Variants in TTK observed in about 807,000 individuals in gnomAD.
TTK encodes dual specificity protein kinase TTK.
A neutral mutation model predicts 117.3 loss-of-function variants in TTK; 59 were observed. That is an observed-to-expected ratio of 0.50 (90% CI 0.41 to 0.62). TTK has a LOEUF of 0.62. Among genes scored for constraint, TTK ranks in the 20% least tolerant of loss-of-function variants. The probability of loss-of-function intolerance (pLI) is 0.00; values close to 1 mark genes in which losing one functional copy is unlikely to be tolerated. For synonymous variants in TTK, 302 were observed against 325.0 expected (o/e 0.93, Z 0.76); for missense variants, 921 against 989.4 (o/e 0.93, Z 0.93).
chr6:80,032,184 T>C (rs1349743132), intron 14 of TTK, among the ~76,000 whole-genome samples: 1 of 152,186 alleles, frequency 6.6e-6, no homozygotes, highest in Non-Finnish European at 1.5e-5. Flanking sequence ...AGAACACTAA[T>C]GACCTCCATT....
chr6:80,010,506 C>T (rs239555), intron 4 of TTK, among the ~76,000 whole-genome samples: 92,538 of 149,894 alleles, frequency 0.62, 28,984 homozygotes, highest in Admixed American at 0.72. Flanking sequence ...CTGTTGGTAA[C>T]TGCTTTGTTA....
chr6:80,005,528 A>G (rs1388178586), intron 1 of TTK, among the ~76,000 whole-genome samples: 1 of 151,994 alleles, frequency 6.6e-6, no homozygotes, highest in African/African-American at 2.4e-5. Flanking sequence ...GTATGTCGCT[A>G]CCAAAATCCA....
intron 2 of TTK, among the ~76,000 whole-genome samples, chr6:80,007,187 C>T (rs1767015121): frequency 1.3e-5 from 2 of 152,076 alleles, no homozygotes; most frequent in Non-Finnish European, 2.9e-5. Flanking sequence ...ACCACGGTAA[C>T]TATGAGTTTG....
intron 10 of TTK, among the ~76,000 whole-genome samples, chr6:80,019,070 A>G (rs1177548635): frequency 6.6e-6 from 1 of 152,216 alleles, no homozygotes; most frequent in Non-Finnish European, 1.5e-5. Context: ...TCCTTTGTCT[A>G]TCAATTGCTA....
intron 11 of TTK, among the ~76,000 whole-genome samples, chr6:80,023,952 C>T (rs891137131): frequency 1.3e-5 from 2 of 152,116 alleles, no homozygotes; most frequent in Admixed American, 1.3e-4. Flanking sequence ...TTGTATCAAA[C>T]CAGCATCTCC....
At chr6:80,029,236 A>G (rs1051682271) in intron 13 of TTK, among the ~76,000 whole-genome samples, 1 of 152,186 alleles carries the variant, frequency 6.6e-6, no homozygotes, top group African/African-American at 2.4e-5. Context: ...ACCACCATCC[A>G]TCACCAGAAC....
At chr6:80,005,735 T>G in intron 1 of TTK, 107 bp from the exon 2 acceptor site, 1 of 1,220,814 alleles carries the variant, frequency 8.2e-7, no homozygotes, top group Non-Finnish European at 1.2e-6. Flanking sequence ...CATTTAGATG[T>G]GTTCACAAAA....
chr6:80,020,778 GGA>G (rs1362543910), intron 10 of TTK, among the ~76,000 whole-genome samples: 1 of 152,220 alleles, frequency 6.6e-6, no homozygotes, highest in Admixed American at 6.5e-5. Flanking sequence ...TCCCTAGCGG[GGA>G]GAGGAGCAGC....
At chr6:80,017,201 C>G (rs1244598128) in intron 10 of TTK, among the ~76,000 whole-genome samples, 1 of 152,182 alleles carries the variant, frequency 6.6e-6, no homozygotes, top group African/African-American at 2.4e-5. Context: ...CCTCCTTTAC[C>G]TCACTGACCT....
intron 17 of TTK, 45 bp from the exon 18 acceptor site, chr6:80,037,922 T>A (rs750071535): frequency 2.4e-6 from 3 of 1,234,960 alleles, no homozygotes; most frequent in Non-Finnish European, 1.1e-6. Flanking sequence ...TAAAGCAGAA[T>A]TAAATATTTT....
At chr6:80,036,634 T>A in intron 17 of TTK, 35 bp downstream of exon 17, 1 of 1,559,112 alleles carries the variant, frequency 6.4e-7, no homozygotes, top group South Asian at 1.2e-5. Flanking sequence ...ACAGTAGAGT[T>A]CAATTCTTTT....
At chr6:80,041,950 G>T (rs917796099) in intron 21 of TTK, among the ~76,000 whole-genome samples, 169 bp from the exon 22 acceptor site, 1 of 151,518 alleles carries the variant, frequency 6.6e-6, no homozygotes, top group African/African-American at 2.4e-5. Flanking sequence ...GCCAAGCTTC[G>T]TGTTTAAAAT....
intron 10 of TTK, among the ~76,000 whole-genome samples, chr6:80,016,955 C>T (rs1275953565): frequency 6.6e-6 from 1 of 152,184 alleles, no homozygotes; most frequent in Non-Finnish European, 1.5e-5. Flanking sequence ...TCCTCTGGTG[C>T]CTGCTAGTGC....
At chr6:80,010,041 G>A (rs949434089) in intron 4 of TTK, among the ~76,000 whole-genome samples, 9 of 152,022 alleles carry the variant, frequency 5.9e-5, no homozygotes, top group African/African-American at 1.9e-4. Context: ...CCAGAAGCTA[G>A]AGATCATCTC....
intron 18 of TTK, among the ~76,000 whole-genome samples, chr6:80,038,785 A>G (rs1208779144): frequency 1.3e-5 from 2 of 152,082 alleles, no homozygotes; most frequent in African/African-American, 4.8e-5. Flanking sequence ...ACTCTTCTAA[A>G]ACTTAAATTT....
At chr6:80,031,414 C>T in intron 13 of TTK, 53 bp from the exon 14 acceptor site, 1 of 1,053,900 alleles carries the variant, frequency 9.5e-7, no homozygotes, top group Non-Finnish European at 1.3e-6. Context: ...CAAATGTAAG[C>T]TAGTTTCTTA....
intron 13 of TTK, among the ~76,000 whole-genome samples, chr6:80,030,311 A>G (rs1767723562): frequency 6.6e-6 from 1 of 152,158 alleles, no homozygotes; most frequent in African/African-American, 2.4e-5. Context: ...ATCCTCCAAT[A>G]TAAGGGAAGG....
chr6:80,014,510 GA>G lies in TTK; in HGVS notation c.1033del (p.Ser345ValfsTer10). 1 of 1,609,904 alleles carries G rather than the reference GA, an allele frequency of 6.2e-7. No homozygotes were observed. The highest frequency in any genetic ancestry group is 1.1e-5 in the South Asian group (1 of 90,126). ...AGGAACCTCTGGTGTCAGATGAAAA[GA>G]GTTCTGAACTTATTATTACTGATTC... is the stretch of plus-strand genomic sequence containing the variant. ...FKEPLVSDEK[S>X]SELIITDSIT... On this transcript the variant is annotated frameshift_variant, in exon 10 of 22. Coordinates refer to ENST00000369798, the MANE Select transcript of TTK (RefSeq NM_003318.5). LOFTEE classifies it high-confidence loss of function.
At chr6:80,017,715 T>G (rs188486826) in intron 10 of TTK, among the ~76,000 whole-genome samples, 55 of 152,338 alleles carry the variant, frequency 3.6e-4, no homozygotes, top group Middle Eastern at 6.8e-3. Flanking sequence ...ATCTTTTGGT[T>G]ACCACTTTTA....
Sources: allele counts gnomAD v4.1 joint callset (sites outside exome capture counted in the v4.1 genomes callset), GRCh38; gene constraint gnomAD v4.1.1; transcripts MANE v1.5; gene names NCBI Gene and HGNC (gene_info 2026-07-23, HGNC 2026-07-21).